The following RIMS2 variants were observed in gnomAD, a reference collection of about 807,000 sequenced individuals.
RIMS2 encodes regulating synaptic membrane exocytosis protein 2.
A neutral mutation model predicts 174.4 loss-of-function variants in RIMS2; 59 were observed. The ratio of observed to expected loss-of-function variants is 0.34; its 90% CI spans 0.27 to 0.42. The LOEUF (loss-of-function observed/expected upper bound fraction) is 0.42, where lower values mean the gene tolerates loss of function less well. RIMS2 is among the 10% of genes least tolerant of loss of function. The pLI, the probability that RIMS2 is intolerant of heterozygous loss-of-function variation, is 1.00. For synonymous variants in RIMS2, 606 were observed against 572.5 expected, an observed-to-expected ratio of 1.06 and a Z score of -0.84; for missense variants, 1,620 against 1,666.3, an observed-to-expected ratio of 0.97 and a Z score of 0.48.
intron 15 of RIMS2, among the ~76,000 whole-genome samples, chr8:103,973,684 G>A (rs559813906): frequency 1.3e-5 from 2 of 152,162 alleles, no homozygotes; most frequent in South Asian, 4.1e-4. Flanking sequence ...GAGCCAAGAG[G>A]AGGAACATGA....
chr8:103,720,283 T>C (rs1591055187), intron 2 of RIMS2, among the ~76,000 whole-genome samples: 1 of 152,340 alleles, frequency 6.6e-6, no homozygotes, highest in East Asian at 1.9e-4. Flanking sequence ...TGCTCATTGT[T>C]ATTCTCATAT....
chr8:104,028,073 G>A (rs1485499534), intron 19 of RIMS2, among the ~76,000 whole-genome samples: 2 of 151,658 alleles, frequency 1.3e-5, no homozygotes, highest in Non-Finnish European at 2.9e-5. Context: ...TGAACTACAG[G>A]CATATGCCAC....
chr8:104,090,175 C>A (rs911889188), intron 19 of RIMS2, among the ~76,000 whole-genome samples: 1 of 151,542 alleles, frequency 6.6e-6, no homozygotes, highest in Non-Finnish European at 1.5e-5. Context: ...GGCATAAAAC[C>A]TTTACACTAT....
intron 19 of RIMS2, among the ~76,000 whole-genome samples, chr8:104,191,812 C>T (rs1368205376): frequency 6.6e-6 from 1 of 152,004 alleles, no homozygotes; most frequent in African/African-American, 2.4e-5. Context: ...ACTATGTTGG[C>T]TAGGTTGGTT....
At chr8:103,772,450 T>A (rs2098264525) in intron 3 of RIMS2, among the ~76,000 whole-genome samples, 1 of 151,988 alleles carries the variant, frequency 6.6e-6, no homozygotes, top group African/African-American at 2.4e-5. Flanking sequence ...TAGTTATAAA[T>A]CTAACAAAAT....
At chr8:103,854,713 C>T (rs1195500230) in intron 3 of RIMS2, among the ~76,000 whole-genome samples, 1 of 151,848 alleles carries the variant, frequency 6.6e-6, no homozygotes, top group African/African-American at 2.4e-5. Flanking sequence ...CAGGAAAAAG[C>T]CTGCTTGGTT....
At chr8:103,992,463 A>G (rs1025709092) in intron 17 of RIMS2, among the ~76,000 whole-genome samples, 1 of 151,212 alleles carries the variant, frequency 6.6e-6, no homozygotes, top group Non-Finnish European at 1.5e-5. Flanking sequence ...TTGTTTTTTA[A>G]GTTTTGTGTA....
chr8:103,966,769 C>G (rs1474796512), intron 15 of RIMS2, among the ~76,000 whole-genome samples: 1 of 151,872 alleles, frequency 6.6e-6, no homozygotes, highest in Non-Finnish European at 1.5e-5. Context: ...TATAAATTTT[C>G]TTCTAAGTAC....
At chr8:103,554,172 T>TTGCAAAAAAAATGCACC (rs1473970662) in intron 1 of RIMS2, among the ~76,000 whole-genome samples, 7 of 151,902 alleles carry the variant, frequency 4.6e-5, no homozygotes, top group African/African-American at 1.5e-4. Context: ...TCAAAAGGAA[T>TTGCAAAAAAAATGCACC]TGCAAAAAAA....
chr8:103,944,486 A>G (rs2083260077), intron 14 of RIMS2, among the ~76,000 whole-genome samples: 1 of 151,996 alleles, frequency 6.6e-6, no homozygotes, highest in Non-Finnish European at 1.5e-5. Flanking sequence ...ACTGGCCTTC[A>G]GTTTTTATTG....
intron 1 of RIMS2, among the ~76,000 whole-genome samples, chr8:103,612,973 C>G (rs2095419949): frequency 6.6e-6 from 1 of 152,198 alleles, no homozygotes; most frequent in Non-Finnish European, 1.5e-5. Flanking sequence ...ACTCTTGTGG[C>G]TACGACCACT....
chr8:103,509,982 T>C (rs188394162), intron 1 of RIMS2, among the ~76,000 whole-genome samples: 17 of 152,310 alleles, frequency 1.1e-4, no homozygotes, highest in African/African-American at 4.1e-4. Context: ...ACATTTAGTA[T>C]TTTTATATAA....
intron 19 of RIMS2, among the ~76,000 whole-genome samples, chr8:104,127,152 A>T (rs1430103208): frequency 6.6e-6 from 1 of 152,150 alleles, no homozygotes; most frequent in African/African-American, 2.4e-5. Flanking sequence ...TAGAATATTC[A>T]CTTTTTTCAG....
intron 1 of RIMS2, among the ~76,000 whole-genome samples, chr8:103,534,244 A>T (rs904260766): frequency 6.6e-6 from 1 of 152,220 alleles, no homozygotes; most frequent in Non-Finnish European, 1.5e-5. Context: ...GCTACTTTAT[A>T]TGCTTCCTAT....
At chr8:104,223,689 G>A (rs778208841) in intron 19 of RIMS2, 2 of 1,591,892 alleles carry the variant, frequency 1.3e-6, no homozygotes, top group East Asian at 2.2e-5. Context: ...AGCGCTGCGG[G>A]GCGCTCCATG....
intron 19 of RIMS2, among the ~76,000 whole-genome samples, chr8:104,239,291 G>A (rs1488712125): frequency 6.6e-6 from 1 of 152,164 alleles, no homozygotes; most frequent in Non-Finnish European, 1.5e-5. Context: ...GAGGGTGCCA[G>A]GTAAATGAGT....
At chr8:103,750,251 A>G (rs1282329153) in intron 2 of RIMS2, among the ~76,000 whole-genome samples, 1 of 152,144 alleles carries the variant, frequency 6.6e-6, no homozygotes, top group Non-Finnish European at 1.5e-5. Context: ...AAAAAGTATC[A>G]TAATTCCCCA....
chr8:104,029,680 T>TA (rs144296719), intron 19 of RIMS2, among the ~76,000 whole-genome samples: 1,693 of 152,324 alleles, frequency 0.011, 41 homozygotes, highest in African/African-American at 0.035. Context: ...TGACTATTTT[T>TA]AAAACAGCCT....
chr8:104,201,087 G>A (rs1587217895), intron 19 of RIMS2, among the ~76,000 whole-genome samples: 1 of 152,116 alleles, frequency 6.6e-6, no homozygotes, highest in Non-Finnish European at 1.5e-5. Context: ...CAGATAGTGA[G>A]CACAGTACCC....
Sources: allele counts gnomAD v4.1 joint callset (sites outside exome capture counted in the v4.1 genomes callset), GRCh38; gene constraint gnomAD v4.1.1; transcripts MANE v1.5; gene names NCBI Gene and HGNC (gene_info 2026-07-23, HGNC 2026-07-21).